Variants in TADA1 observed in about 807,000 individuals in gnomAD.
TADA1 encodes the protein transcriptional adaptor 1.
A neutral mutation model predicts 39.3 loss-of-function variants in TADA1; 23 were observed. That is an observed-to-expected ratio of 0.58 (90% CI 0.42 to 0.83). TADA1 has a LOEUF of 0.83. TADA1 is among the 40% of genes least tolerant of loss of function. TADA1 has a pLI of 0.00. For synonymous variants in TADA1, 137 were observed against 151.8 expected (o/e 0.90, Z 0.72); for missense variants, 352 against 408.1 (o/e 0.86, Z 1.18).
At chr1:166,860,932 G>GT in intron 5 of TADA1, among the ~76,000 whole-genome samples, 1 of 152,256 alleles carries the variant, frequency 6.6e-6, no homozygotes, top group African/African-American at 2.4e-5. Flanking sequence ...GCCTCCCAAA[G>GT]TGCTGGGATT....
chr1:166,859,660 G>A (rs147380828), intron 6 of TADA1, among the ~76,000 whole-genome samples: 5 of 152,202 alleles, frequency 3.3e-5, no homozygotes, highest in African/African-American at 1.2e-4. Context: ...GGTGAGCTGA[G>A]AGACCATGTC....
rs200810850 is a variant in TADA1, at chr1:166,857,690, A to G, written c.885T>C (p.Thr295=). 2 of 1,614,148 alleles carry G rather than the reference A, an allele frequency of 1.2e-6. No individual in the cohort carries two copies. Among genetic ancestry groups the G allele is most frequent in the Non-Finnish European group, 1.7e-6 (2 of 1,180,004 alleles). ...TCCTTTCAATGTTAAGAGCATAGAC[A>G]GTATGTGTAGGGATGACTTCCCTGT... is the stretch of plus-strand genomic sequence containing the variant. The part of the protein sequence containing the change: ...QVHREVIPTH[T]VYALNIERII... Residue 295 remains threonine, a synonymous_variant, in exon 8 of 8, where the codon ACT becomes ACC. Transcript: ENST00000367874.
chr1:166,874,023 A>C (rs1658712147), intron 1 of TADA1, among the ~76,000 whole-genome samples: 1 of 151,516 alleles, frequency 6.6e-6, no homozygotes, highest in African/African-American at 2.4e-5. Context: ...GATGGAACAG[A>C]GTGAAATGCC....
chr1:166,866,269 T>C (rs975931822), intron 3 of TADA1, among the ~76,000 whole-genome samples: 3 of 152,248 alleles, frequency 2.0e-5, no homozygotes, highest in African/African-American at 7.2e-5. Context: ...CACATCCAAT[T>C]ACTAGCTGGA....
intron 1 of TADA1, among the ~76,000 whole-genome samples, chr1:166,874,392 C>T (rs1297296664): frequency 6.6e-6 from 1 of 151,584 alleles, no homozygotes; most frequent in Admixed American, 6.6e-5. Flanking sequence ...TAAAAAGCTA[C>T]AGTAATTAGG....
chr1:166,869,114 C>T (rs1434838577), intron 3 of TADA1: 2 of 336,338 alleles, frequency 5.9e-6, no homozygotes, highest in Non-Finnish European at 1.2e-5. Context: ...TTGCATAGCT[C>T]ATTTGTGAAC....
intron 5 of TADA1, 64 bp downstream of exon 5, chr1:166,862,139 T>G: frequency 1.3e-6 from 2 of 1,500,310 alleles, no homozygotes; most frequent in Non-Finnish European, 1.8e-6. Flanking sequence ...AATACCGACT[T>G]TAAACAACAC....
At chr1:166,865,146 T>G (rs1284006899) in intron 3 of TADA1, among the ~76,000 whole-genome samples, 3 of 152,158 alleles carry the variant, frequency 2.0e-5, no homozygotes, top group Non-Finnish European at 4.4e-5. Context: ...CTGATAAATT[T>G]CCAACAGGTA....
At chr1:166,875,534 T>C (rs1179127444) in intron 1 of TADA1, among the ~76,000 whole-genome samples, 1 of 152,272 alleles carries the variant, frequency 6.6e-6, no homozygotes, top group Non-Finnish European at 1.5e-5. Flanking sequence ...ATAACAACTG[T>C]ACCTATCTCA....
At chr1:166,864,197 G>A (rs766605238) in intron 3 of TADA1, among the ~76,000 whole-genome samples, 1 of 152,100 alleles carries the variant, frequency 6.6e-6, no homozygotes, top group African/African-American at 2.4e-5. Flanking sequence ...ATTAGCAGTA[G>A]TATTATTATA....
chr1:166,864,017 T>C, intron 3 of TADA1, 96 bp from the exon 4 acceptor site: 2 of 940,746 alleles, frequency 2.1e-6, no homozygotes, highest in Non-Finnish European at 3.2e-6. Flanking sequence ...GGAATGCTCA[T>C]GAAATGCAAA....
At chr1:166,859,846 G>A (rs1156852789) in intron 6 of TADA1, among the ~76,000 whole-genome samples, 2 of 151,682 alleles carry the variant, frequency 1.3e-5, no homozygotes, top group East Asian at 3.9e-4. Flanking sequence ...CTAACTGAAA[G>A]CAGGCTCACT....
At chr1:166,873,616 CTATT>C (rs1185419361) in intron 1 of TADA1, among the ~76,000 whole-genome samples, 19 of 152,180 alleles carry the variant, frequency 1.2e-4, no homozygotes, top group Non-Finnish European at 2.6e-4. Context: ...GTATTACTGA[CTATT>C]TAACCCAGAG....
intron 3 of TADA1, among the ~76,000 whole-genome samples, chr1:166,868,378 C>T (rs1250246029): frequency 1.3e-5 from 2 of 152,156 alleles, no homozygotes; most frequent in African/African-American, 2.4e-5. Flanking sequence ...TGCTATCTTA[C>T]CTAAGAACAT....
At chr1:166,858,090 T>C in intron 7 of TADA1, 29 bp downstream of exon 7, 1 of 1,612,924 alleles carries the variant, frequency 6.2e-7, no homozygotes, top group East Asian at 2.2e-5. Flanking sequence ...TCCATAAACC[T>C]AGGTAAACTT....
intron 3 of TADA1, among the ~76,000 whole-genome samples, chr1:166,865,096 T>TAA (rs11454141): frequency 8.0e-5 from 12 of 150,374 alleles, no homozygotes; most frequent in African/African-American, 9.8e-5. Context: ...AAAATAAAAA[T>TAA]AAAAAAAAAG....
intron 1 of TADA1, among the ~76,000 whole-genome samples, chr1:166,875,662 G>A (rs773765854): frequency 1.3e-5 from 2 of 152,252 alleles, no homozygotes; most frequent in Non-Finnish European, 2.9e-5. Flanking sequence ...CAGAGGGTCC[G>A]TCTGCCTTAC....
At chr1:166,858,535 T>C (rs1056210773) in intron 6 of TADA1, among the ~76,000 whole-genome samples, 1 of 152,144 alleles carries the variant, frequency 6.6e-6, no homozygotes, top group Non-Finnish European at 1.5e-5. Flanking sequence ...GAACTTCCAG[T>C]TGAAAAAACT....
chr1:166,863,956 T>C, intron 3 of TADA1, 35 bp from the exon 4 acceptor site: 5 of 1,532,770 alleles, frequency 3.3e-6, no homozygotes, highest in Non-Finnish European at 4.4e-6. Context: ...TAAGTAAAAA[T>C]AATGACAACT....
Sources: allele counts gnomAD v4.1 joint callset (sites outside exome capture counted in the v4.1 genomes callset), GRCh38; gene constraint gnomAD v4.1.1; transcripts MANE v1.5; gene names NCBI Gene and HGNC (gene_info 2026-07-23, HGNC 2026-07-21).